Variants in PTBP2 observed in about 807,000 individuals in gnomAD.
PTBP2 encodes the protein polypyrimidine tract-binding protein 2.
Under a neutral mutation model 61.4 loss-of-function variants are expected in PTBP2, and 13 were observed. The observed-to-expected ratio is 0.21, with a 90% CI of 0.14 to 0.34. The LOEUF (loss-of-function observed/expected upper bound fraction) is 0.34. Among genes scored for constraint, PTBP2 ranks in the 10% least tolerant of loss-of-function variants. The pLI, the probability that PTBP2 is intolerant of heterozygous loss-of-function variation, is 1.00. For missense variants in PTBP2, 405 were observed against 642.6 expected (o/e 0.63, Z 4.00); for synonymous variants, 215 against 218.5 (o/e 0.98, Z 0.14).
chr1:96,756,620 G>A (rs904563086), intron 3 of PTBP2, among the ~76,000 whole-genome samples: 1 of 150,696 alleles, frequency 6.6e-6, no homozygotes, highest in East Asian at 2.0e-4. Flanking sequence ...GCACTAAATG[G>A]AAATGAGCTA....
intron 8 of PTBP2, among the ~76,000 whole-genome samples, chr1:96,787,642 A>G (rs1659358601): frequency 6.6e-6 from 1 of 152,196 alleles, no homozygotes; most frequent in African/African-American, 2.4e-5. Flanking sequence ...TGGTTTTGAT[A>G]ATTCACAAGA....
At chr1:96,791,835 T>TTTTTTTTTTTGTTTTTTTTG (rs1557759225) in intron 8 of PTBP2, among the ~76,000 whole-genome samples, 1 of 30,514 alleles carries the variant, frequency 3.3e-5, no homozygotes, top group East Asian at 1.5e-3. Flanking sequence ...GCTTTTTTTT[T>TTTTTTTTTTTGTTTTTTTTG]TTTTTTTTTT....
At chr1:96,773,665 A>G (rs931502694) in intron 5 of PTBP2, among the ~76,000 whole-genome samples, 5 of 152,082 alleles carry the variant, frequency 3.3e-5, no homozygotes, top group Non-Finnish European at 5.9e-5. Flanking sequence ...TTCTGGGTCA[A>G]CAAAACTCCC....
At chr1:96,804,744 C>T (rs1661340567) in intron 8 of PTBP2, 56 bp from the exon 9 acceptor site, 5 of 1,530,904 alleles carry the variant, frequency 3.3e-6, no homozygotes, top group Admixed American at 1.9e-5. Flanking sequence ...TTGTAAACGA[C>T]TTGTGTGTGT....
At chr1:96,729,371 A>G (rs1046212095) in intron 2 of PTBP2, among the ~76,000 whole-genome samples, 1 of 152,104 alleles carries the variant, frequency 6.6e-6, no homozygotes, top group African/African-American at 2.4e-5. Flanking sequence ...TTGTTTTTAA[A>G]TAGTTTTCTT....
At chr1:96,734,364 G>C (rs953730924) in intron 2 of PTBP2, among the ~76,000 whole-genome samples, 1 of 151,988 alleles carries the variant, frequency 6.6e-6, no homozygotes, top group African/African-American at 2.4e-5. Flanking sequence ...ATAATCAAAA[G>C]ACTGTTAGGA....
chr1:96,791,113 T>C (rs1429271773), intron 8 of PTBP2, among the ~76,000 whole-genome samples: 1 of 152,186 alleles, frequency 6.6e-6, no homozygotes, highest in African/African-American at 2.4e-5. Flanking sequence ...TTGTGTAGTC[T>C]GCCTGTTTAT....
intron 5 of PTBP2, among the ~76,000 whole-genome samples, chr1:96,776,888 C>CT (rs1214268594): frequency 1.1e-4 from 17 of 151,864 alleles, no homozygotes; most frequent in Admixed American, 6.6e-5. Context: ...CTGCAATAGT[C>CT]TATCTTCCAT....
chr1:96,809,718 C>G (rs1661860036), intron 11 of PTBP2, among the ~76,000 whole-genome samples: 1 of 152,052 alleles, frequency 6.6e-6, no homozygotes, highest in Non-Finnish European at 1.5e-5. Context: ...TGAGTTCTCA[C>G]TGTGTTGCCC....
chr1:96,760,595 G>A (rs907637557), intron 3 of PTBP2, among the ~76,000 whole-genome samples: 3 of 151,792 alleles, frequency 2.0e-5, no homozygotes, highest in Non-Finnish European at 2.9e-5. Context: ...ACAGGTGCAC[G>A]CCACCACACC....
downstream of PTBP2, chr1:96,819,275 T>TA (rs1462374508): frequency 1.3e-5 from 2 of 152,036 alleles, no homozygotes; most frequent in Non-Finnish European, 2.9e-5. Flanking sequence ...TGATGACTGA[T>TA]ATTCTCTGTG....
At chr1:96,753,059 AGAGAGCTGTC>A (rs1463128229) in intron 3 of PTBP2, among the ~76,000 whole-genome samples, 1 of 152,140 alleles carries the variant, frequency 6.6e-6, no homozygotes, top group Non-Finnish European at 1.5e-5. Flanking sequence ...CCTGGAGAAA[AGAGAGCTGTC>A]TAGGGGTTTA....
chr1:96,789,124 T>C (rs1281121620), intron 8 of PTBP2, among the ~76,000 whole-genome samples: 1 of 152,068 alleles, frequency 6.6e-6, no homozygotes, highest in African/African-American at 2.4e-5. Flanking sequence ...AAGTAATTTT[T>C]CATGATCATG....
At chr1:96,818,374 A>G (rs961496600), downstream of PTBP2, 1 of 152,054 alleles carries the variant, frequency 6.6e-6, no homozygotes, top group African/African-American at 2.4e-5. Context: ...CCCAATTCTC[A>G]TCTCCTTTAT....
intron 8 of PTBP2, among the ~76,000 whole-genome samples, chr1:96,798,899 C>A (rs553829639): frequency 1.9e-4 from 29 of 152,254 alleles, no homozygotes; most frequent in African/African-American, 6.3e-4. Flanking sequence ...ATTATAGATA[C>A]AATTTCTAAA....
intron 8 of PTBP2, among the ~76,000 whole-genome samples, chr1:96,802,211 GAAAAA>G (rs5776325): frequency 1.1e-4 from 6 of 54,008 alleles, no homozygotes; most frequent in African/African-American, 3.3e-4. Context: ...ACTCCGTCTC[GAAAAA>G]AAAAAAAAAA....
At chr1:96,767,104 C>T (rs905334726) in intron 3 of PTBP2, among the ~76,000 whole-genome samples, 8 of 152,062 alleles carry the variant, frequency 5.3e-5, no homozygotes, top group Non-Finnish European at 2.9e-5. Flanking sequence ...TACATCTTTT[C>T]TATATTTTTT....
intron 2 of PTBP2, among the ~76,000 whole-genome samples, chr1:96,725,363 G>A (rs760202554): frequency 1.7e-4 from 25 of 147,764 alleles, no homozygotes; most frequent in Non-Finnish European, 3.3e-4. Flanking sequence ...GCAGTGGCAC[G>A]ATCCTGGCTC....
chr1:96,803,021 A>G lies in PTBP2; in HGVS notation c.905-1779A>G, dbSNP rs187046020. ...GTTTGCCTAGGAATTAGGAATGTAT[A>G]CTTGACAACAAGTGAACGTATCCAT... On this transcript the variant is annotated intron_variant, in intron 8 of 13. Transcript: ENST00000674951. Among the ~76,000 whole-genome samples the G allele has an allele frequency of 1.4e-3, 208 of 152,250 alleles. 1 individual carries two copies. In the South Asian group the frequency reaches 0.017, roughly 12 times the overall value.
Sources: gnomAD v4.1 joint callset for allele counts (sites outside exome capture counted in the v4.1 genomes callset) on GRCh38, gnomAD v4.1.1 for gene constraint, MANE v1.5 for transcripts, NCBI Gene and HGNC (gene_info 2026-07-23, HGNC 2026-07-21) for gene names.